The following HS3ST3B1 variants were observed in gnomAD, a reference collection of about 807,000 sequenced individuals.
The protein encoded by HS3ST3B1 is heparan sulfate-glucosamine 3-sulfotransferase 3B1.
Under a neutral mutation model 21.3 loss-of-function variants are expected in HS3ST3B1, and 13 were observed. The observed-to-expected ratio is 0.61, with a 90% CI of 0.40 to 0.97. HS3ST3B1 has a LOEUF of 0.97. Ranked by LOEUF, HS3ST3B1 falls within the 50% of genes least tolerant of loss-of-function variation. The probability of loss-of-function intolerance (pLI) is 0.00; values close to 1 mark genes in which losing one functional copy is unlikely to be tolerated. For missense variants in HS3ST3B1, 459 were observed against 554.8 expected, an observed-to-expected ratio of 0.83 and a Z score of 1.73; for synonymous variants, 234 against 254.8, an observed-to-expected ratio of 0.92 and a Z score of 0.78.
At chr17:14,336,781 A>G (rs897507224) in intron 1 of HS3ST3B1, among the ~76,000 whole-genome samples, 1 of 152,214 alleles carries the variant, frequency 6.6e-6, no homozygotes, top group African/African-American at 2.4e-5. Flanking sequence ...TCTTACTTTC[A>G]TGGAATTTTT....
chr17:14,342,643 C>T (rs1298439743), intron 1 of HS3ST3B1, among the ~76,000 whole-genome samples: 1 of 152,132 alleles, frequency 6.6e-6, no homozygotes, highest in Non-Finnish European at 1.5e-5. Flanking sequence ...GTTTAATCCT[C>T]ATTAAACTTC....
rs1910583644 is a variant in HS3ST3B1, at chr17:14,346,491, T to A, written c.*845T>A. On this transcript the variant is annotated 3_prime_UTR_variant, in exon 2 of 2. Coordinates refer to ENST00000360954, the MANE Select transcript of HS3ST3B1 (RefSeq NM_006041.3). ...GTATCAAACTCCCGACCTCAGGTGA[T>A]CCGCCTGCCTTGGCCTCCAAAGTGT... The A allele has an allele frequency of 6.6e-6, 1 of 152,160 alleles. No homozygotes were observed. Among genetic ancestry groups the A allele is most frequent in the South Asian group, 2.1e-4 (1 of 4,824 alleles). 9.4% of individuals were successfully genotyped at this position (152,160 alleles called of 1,614,324 possible).
intron 1 of HS3ST3B1, among the ~76,000 whole-genome samples, chr17:14,313,359 C>T (rs187143039): frequency 6.6e-6 from 1 of 151,684 alleles, no homozygotes; most frequent in Non-Finnish European, 1.5e-5. Context: ...GCTGCTAGCC[C>T]TGCTAGTCAC....
rs1031763312 is a variant in HS3ST3B1, at chr17:14,345,732, T to C, written c.*86T>C. 2 of 1,450,382 alleles carry C rather than the reference T, an allele frequency of 1.4e-6. No individual in the cohort carries two copies. Among genetic ancestry groups the C allele is most frequent in the Non-Finnish European group, 1.8e-6 (2 of 1,088,444 alleles). 89.8% of individuals were successfully genotyped at this position (1,450,382 alleles called of 1,614,324 possible). A position where few individuals can be genotyped will look rare whatever the true frequency, so the allele number is the denominator to read the frequency against. On this transcript the variant is annotated 3_prime_UTR_variant, in exon 2 of 2. Coordinates refer to ENST00000360954, the MANE Select transcript of HS3ST3B1 (RefSeq NM_006041.3). ...GTAAAATGTACAGAAATCTATTTTA[T>C]AATAATTTATTTTTAATTCATAAGC...
intron 1 of HS3ST3B1, among the ~76,000 whole-genome samples, chr17:14,333,833 C>G (rs1417622008): frequency 1.3e-5 from 2 of 151,974 alleles, no homozygotes; most frequent in Non-Finnish European, 2.9e-5. Flanking sequence ...ATGGTGTGAT[C>G]TTGGCTCACC....
At chr17:14,319,145 G>A (rs766770431) in intron 1 of HS3ST3B1, among the ~76,000 whole-genome samples, 6 of 152,210 alleles carry the variant, frequency 3.9e-5, no homozygotes, top group African/African-American at 1.2e-4. Flanking sequence ...GCAGGTAAAG[G>A]TGCCTCCTAA....
chr17:14,319,706 G>C (rs544316266), intron 1 of HS3ST3B1, among the ~76,000 whole-genome samples: 2 of 152,302 alleles, frequency 1.3e-5, no homozygotes, highest in South Asian at 4.1e-4. Context: ...ATGTCACCAA[G>C]AGTGAGGGGG....
At chr17:14,344,579 G>C (rs1355089331) in intron 1 of HS3ST3B1, among the ~76,000 whole-genome samples, 3 of 152,168 alleles carry the variant, frequency 2.0e-5, no homozygotes, top group African/African-American at 7.2e-5. Context: ...TGGCACATCT[G>C]CCTGGGTTTG....
chr17:14,323,227 AT>A (rs149537141), intron 1 of HS3ST3B1, among the ~76,000 whole-genome samples: 3,563 of 152,134 alleles, frequency 0.023, 151 homozygotes, highest in African/African-American at 0.072. Context: ...TTATATCTGC[AT>A]TTTGCTGCAA....
At chr17:14,328,009 C>G (rs1909868846) in intron 1 of HS3ST3B1, 1 of 152,210 alleles carries the variant, frequency 6.6e-6, no homozygotes, top group Non-Finnish European at 1.5e-5. Context: ...TAGCAGCTCT[C>G]TCACTGATGG....
intron 1 of HS3ST3B1, among the ~76,000 whole-genome samples, chr17:14,342,221 T>C (rs992725269): frequency 6.6e-6 from 1 of 152,136 alleles, no homozygotes; most frequent in Non-Finnish European, 1.5e-5. Context: ...GGTAAATATT[T>C]GGTCAAAAAT....
Position 14,301,133 on chromosome 17 carries a change from A to G in HS3ST3B1, c.-386A>G. On this transcript the variant is annotated 5_prime_UTR_variant, in exon 1 of 2. Transcript: ENST00000360954. The stretch of plus-strand genomic sequence containing the variant: ...GAAGTGCCGGGGCTGCTCGAGGCTC[A>G]GTTCTTAGGACTGCAAGGAGGCAGC... 5.1e-6 allele frequency: 1 copy of G among 195,602 alleles called. No homozygotes were observed. 12.1% of individuals were successfully genotyped at this position (195,602 alleles called of 1,614,324 possible).
chr17:14,301,481 T>G lies in HS3ST3B1; in HGVS notation c.-38T>G. The G allele has an allele frequency of 2.8e-6, 4 of 1,452,586 alleles. No homozygotes were observed. The highest frequency in any genetic ancestry group is 3.6e-6 in the Non-Finnish European group (4 of 1,109,606). The allele number at this position is 1,452,586 out of a possible 1,614,324, so 90.0% of individuals were successfully genotyped here. Reference sequence around the variant, plus strand: ...ACTGCCCGGCGGGACCCACGCCATGTGCTGAGCCATGTCCCTGGCCGCGCC... The same window carrying G: ...ACTGCCCGGCGGGACCCACGCCATGGGCTGAGCCATGTCCCTGGCCGCGCC... On this transcript the variant is annotated 5_prime_UTR_variant, in exon 1 of 2. Coordinates refer to ENST00000360954, the MANE Select transcript of HS3ST3B1 (RefSeq NM_006041.3).
chr17:14,314,190 G>T (rs1909427637), intron 1 of HS3ST3B1, among the ~76,000 whole-genome samples: 1 of 151,828 alleles, frequency 6.6e-6, no homozygotes, highest in Admixed American at 6.6e-5. Flanking sequence ...TGTTGGTCAG[G>T]CTGGTCTTGA....
At chr17:14,323,767 A>T (rs1909725714) in intron 1 of HS3ST3B1, among the ~76,000 whole-genome samples, 1 of 152,122 alleles carries the variant, frequency 6.6e-6, no homozygotes, top group African/African-American at 2.4e-5. Flanking sequence ...GCATTTAGCA[A>T]ACCCAGGAAA....
At chr17:14,310,139 A>C (rs929412804) in intron 1 of HS3ST3B1, among the ~76,000 whole-genome samples, 1 of 152,192 alleles carries the variant, frequency 6.6e-6, no homozygotes, top group African/African-American at 2.4e-5. Flanking sequence ...ACGAAGAGAA[A>C]GTGGGAAGGA....
At chr17:14,334,009 C>T (rs1027636772) in intron 1 of HS3ST3B1, among the ~76,000 whole-genome samples, 2 of 152,238 alleles carry the variant, frequency 1.3e-5, no homozygotes, top group Non-Finnish European at 2.9e-5. Context: ...GATCCACCCG[C>T]CTCAGCCTCC....
rs1373949701 is a variant in HS3ST3B1, at chr17:14,301,642, G to T, written c.124G>T (p.Val42Phe). 3 of 1,608,076 alleles carry T rather than the reference G, an allele frequency of 1.9e-6. No individual in the cohort carries two copies. Among genetic ancestry groups the T allele is most frequent in the Admixed American group, 3.3e-5 (2 of 59,898 alleles). ...CGCGCTGCTCTTCGCCATGCTCTGCGTCTGGCTCTATATGTTCCTGTACTC... is the reference window on the plus strand; with the variant it reads ...CGCGCTGCTCTTCGCCATGCTCTGCTTCTGGCTCTATATGTTCCTGTACTC... ...KLALLFAMLC[V>F]WLYMFLYSCA... Residue 42 changes from valine to phenylalanine, a missense_variant, in exon 1 of 2, where the codon GTC (valine) becomes TTC (phenylalanine). Coordinates refer to ENST00000360954, the MANE Select transcript of HS3ST3B1 (RefSeq NM_006041.3).
At chr17:14,317,370 G>A (rs867630342) in intron 1 of HS3ST3B1, among the ~76,000 whole-genome samples, 1 of 152,186 alleles carries the variant, frequency 6.6e-6, no homozygotes, top group South Asian at 2.1e-4. Flanking sequence ...CCTAGAATGG[G>A]TCAGGTGGTA....
Sources: gnomAD v4.1 joint callset for allele counts (sites outside exome capture counted in the v4.1 genomes callset) on GRCh38, gnomAD v4.1.1 for gene constraint, MANE v1.5 for transcripts, NCBI Gene and HGNC (gene_info 2026-07-23, HGNC 2026-07-21) for gene names.